The following MRPS5 variants were observed in gnomAD, a reference collection of about 807,000 sequenced individuals.
MRPS5 encodes the protein mitochondrial ribosomal protein S5, also known as small ribosomal subunit protein uS5m.
Under a neutral mutation model 51.9 loss-of-function variants are expected in MRPS5, and 27 were observed. The ratio of observed to expected loss-of-function variants is 0.52; its 90% CI spans 0.38 to 0.72. The LOEUF (loss-of-function observed/expected upper bound fraction) is 0.72, where lower values mean the gene tolerates loss of function less well. Among genes scored for constraint, MRPS5 ranks in the 30% least tolerant of loss-of-function variants. MRPS5 has a pLI of 0.00. For missense variants in MRPS5, 570 were observed against 545.7 expected, an observed-to-expected ratio of 1.04 and a Z score of -0.44; for synonymous variants, 196 against 193.2, an observed-to-expected ratio of 1.01 and a Z score of -0.12.
At chr2:95,099,563 T>C (rs985507710) in intron 10 of MRPS5, among the ~76,000 whole-genome samples, 1 of 152,220 alleles carries the variant, frequency 6.6e-6, no homozygotes, top group African/African-American at 2.4e-5. Flanking sequence ...AGCCACATAT[T>C]ACGTGCTCAA....
intron 3 of MRPS5, among the ~76,000 whole-genome samples, chr2:95,113,886 C>G (rs1051191237): frequency 6.6e-6 from 1 of 151,754 alleles, no homozygotes; most frequent in East Asian, 2.0e-4. Context: ...CTTTGGGAGG[C>G]TGAGGCAGGT....
intron 3 of MRPS5, among the ~76,000 whole-genome samples, chr2:95,113,268 A>C (rs1676180381): frequency 6.6e-6 from 1 of 151,994 alleles, no homozygotes. Flanking sequence ...CAAGGTCAGA[A>C]GATCGAGACC....
At chr2:95,121,988 A>G (rs1676473719), upstream of MRPS5, 3 of 582,948 alleles carry the variant, frequency 5.1e-6, no homozygotes, top group East Asian at 3.5e-5. Context: ...GACCGCGGAC[A>G]GCCCCGCGGG....
At chr2:95,097,886 G>C (rs1013778225) in intron 10 of MRPS5, among the ~76,000 whole-genome samples, 2 of 152,164 alleles carry the variant, frequency 1.3e-5, no homozygotes, top group African/African-American at 2.4e-5. Flanking sequence ...CATGGCAAAA[G>C]AAACTACCAT....
intron 5 of MRPS5, among the ~76,000 whole-genome samples, chr2:95,107,268 G>A (rs1328072280): frequency 6.6e-6 from 1 of 152,122 alleles, no homozygotes; most frequent in African/African-American, 2.4e-5. Context: ...ATAATCTGGA[G>A]GCCATAATCA....
chr2:95,100,938 A>G lies in MRPS5; in HGVS notation c.811-44T>C, dbSNP rs746617280. 3 of 1,508,484 alleles carry G rather than the reference A, an allele frequency of 2.0e-6. No individual in the cohort carries two copies. In the South Asian group the frequency reaches 3.6e-5, roughly 18 times the overall value. 93.4% of individuals were successfully genotyped at this position (1,508,484 alleles called of 1,614,324 possible). A position where few individuals can be genotyped will look rare whatever the true frequency, so the allele number is the denominator to read the frequency against. On this transcript the variant is annotated intron_variant, in intron 8 of 11. Coordinates refer to ENST00000272418, the MANE Select transcript of MRPS5 (RefSeq NM_031902.5). ...TCTTAACTCTATTGTTGAAATTTAC[A>G]TCTTTTCAAGGATTCCAAAAACACT...
At chr2:95,109,771 G>A in intron 4 of MRPS5, 145 bp downstream of exon 4, 2 of 889,054 alleles carry the variant, frequency 2.2e-6, no homozygotes, top group South Asian at 1.9e-5. Flanking sequence ...GGGGCAATGA[G>A]TAAGTCAACT....
intron 5 of MRPS5, 89 bp downstream of exon 5, chr2:95,108,086 A>G (rs1219882997): frequency 8.8e-7 from 1 of 1,135,910 alleles, no homozygotes; most frequent in Non-Finnish European, 1.3e-6. Flanking sequence ...AAGGTAGTAT[A>G]AACAGACAAG....
At chr2:95,090,608 T>A (rs776915409) in intron 10 of MRPS5, 86 bp from the exon 11 acceptor site, 4 of 1,527,892 alleles carry the variant, frequency 2.6e-6, no homozygotes, top group Non-Finnish European at 3.6e-6. Flanking sequence ...GGCTTCAGGC[T>A]CTGGGCTTCG....
At chr2:95,102,055 G>A in intron 7 of MRPS5, 1 of 209,434 alleles carries the variant, frequency 4.8e-6, no homozygotes, top group Admixed American at 5.5e-5. Context: ...AACTACTCAG[G>A]AGGCTGAGAT....
At chr2:95,091,209 T>G (rs1675457562) in intron 10 of MRPS5, 1 of 153,326 alleles carries the variant, frequency 6.5e-6, no homozygotes, top group Admixed American at 6.5e-5. Flanking sequence ...CCCACCTCCC[T>G]GACCTCATCT....
chr2:95,093,005 T>C (rs941560609), intron 10 of MRPS5: 1 of 152,198 alleles, frequency 6.6e-6, no homozygotes, highest in Non-Finnish European at 1.5e-5. Context: ...GCCACCTAAA[T>C]ACTGTGTCTT....
intron 2 of MRPS5, among the ~76,000 whole-genome samples, chr2:95,116,909 T>C (rs1408778671): frequency 6.6e-6 from 1 of 150,522 alleles, no homozygotes; most frequent in African/African-American, 2.5e-5. Flanking sequence ...GGGAGGCCGA[T>C]GAGGGCGGAT....
intron 3 of MRPS5, among the ~76,000 whole-genome samples, chr2:95,113,754 C>T (rs1185357871): frequency 1.3e-5 from 2 of 152,012 alleles, no homozygotes; most frequent in Admixed American, 6.6e-5. Context: ...TGAGCTGTAT[C>T]CATACAATGA....
intron 10 of MRPS5, chr2:95,092,494 A>C (rs1225925508): frequency 1.3e-5 from 2 of 152,246 alleles, no homozygotes; most frequent in Admixed American, 6.5e-5. Context: ...ACACATAGGC[A>C]CATCATTTAG....
At chr2:95,117,820 A>G in intron 2 of MRPS5, 45 bp downstream of exon 2, 1 of 1,441,150 alleles carries the variant, frequency 6.9e-7, no homozygotes, top group Non-Finnish European at 9.5e-7. Flanking sequence ...AACTACTTTG[A>G]CATTAGATCT....
At chr2:95,116,481 A>T (rs1676288089) in intron 2 of MRPS5, among the ~76,000 whole-genome samples, 1 of 152,198 alleles carries the variant, frequency 6.6e-6, no homozygotes, top group African/African-American at 2.4e-5. Context: ...TAGATTTGAG[A>T]AACAGTCACT....
intron 10 of MRPS5, among the ~76,000 whole-genome samples, chr2:95,100,236 A>G (rs1390634924): frequency 5.9e-5 from 9 of 152,138 alleles, no homozygotes; most frequent in Admixed American, 6.5e-5. Context: ...CCCGTTTCCA[A>G]TGTGCTCTCC....
intron 10 of MRPS5, chr2:95,092,626 G>C (rs1675501440): frequency 6.6e-6 from 1 of 152,170 alleles, no homozygotes; most frequent in Non-Finnish European, 1.5e-5. Flanking sequence ...CGATACATAG[G>C]TAATGGTCTA....
Sources: allele counts gnomAD v4.1 joint callset (sites outside exome capture counted in the v4.1 genomes callset), GRCh38; gene constraint gnomAD v4.1.1; transcripts MANE v1.5; gene names NCBI Gene and HGNC (gene_info 2026-07-23, HGNC 2026-07-21).